Variants in DIAPH3 observed in about 807,000 individuals in gnomAD.
The protein encoded by DIAPH3 is diaphanous related formin 3, also known as protein diaphanous homolog 3.
Under a neutral mutation model 144.3 loss-of-function variants are expected in DIAPH3, and 117 were observed. The observed-to-expected ratio is 0.81, with a 90% confidence interval of 0.70 to 0.95. DIAPH3 has a LOEUF of 0.95. Among genes scored for constraint, DIAPH3 ranks in the 40% least tolerant of loss-of-function variants. The pLI is 0.00. For missense variants in DIAPH3, 1,421 were observed against 1,412.7 expected (o/e 1.01, Z -0.09); for synonymous variants, 519 against 488.9 (o/e 1.06, Z -0.81).
chr13:59,798,458 A>G (rs1046522727), intron 25 of DIAPH3, among the ~76,000 whole-genome samples: 4 of 152,218 alleles, frequency 2.6e-5, no homozygotes, highest in African/African-American at 9.6e-5. Flanking sequence ...TGGTTAGTCC[A>G]TATATAAATG....
chr13:60,147,269 G>C (rs1025970253), intron 1 of DIAPH3: 1 of 152,136 alleles, frequency 6.6e-6, no homozygotes, highest in Non-Finnish European at 1.5e-5. Flanking sequence ...AAGGTCATTT[G>C]GAAAATATAG....
intron 27 of DIAPH3, among the ~76,000 whole-genome samples, chr13:59,759,479 G>A (rs2139178050): frequency 6.6e-6 from 1 of 152,266 alleles, no homozygotes; most frequent in South Asian, 2.1e-4. Context: ...TAGAGTTACT[G>A]ACTTGTATTA....
At chr13:60,039,324 G>A (rs1388497460) in intron 5 of DIAPH3, among the ~76,000 whole-genome samples, 1 of 147,556 alleles carries the variant, frequency 6.8e-6, no homozygotes, top group Non-Finnish European at 1.5e-5. Flanking sequence ...TTTTTTTTGA[G>A]ATAGAGTCTC....
At chr13:59,826,386 AACAG>A (rs2041423546) in intron 24 of DIAPH3, among the ~76,000 whole-genome samples, 1 of 147,360 alleles carries the variant, frequency 6.8e-6, no homozygotes. Context: ...ATACACCAAT[AACAG>A]ACAAACAGAG....
At chr13:60,021,425 G>A (rs1302630297) in intron 5 of DIAPH3, among the ~76,000 whole-genome samples, 1 of 152,164 alleles carries the variant, frequency 6.6e-6, no homozygotes, top group Non-Finnish European at 1.5e-5. Context: ...AGGAGTTTGA[G>A]ATCAGCCTGG....
intron 27 of DIAPH3, among the ~76,000 whole-genome samples, chr13:59,739,858 T>G (rs184167800): frequency 9.9e-5 from 15 of 152,134 alleles, no homozygotes; most frequent in Non-Finnish European, 1.2e-4. Flanking sequence ...TTCAAATATA[T>G]TCAGAAAAAA....
At chr13:60,066,616 G>A (rs530936779) in intron 4 of DIAPH3, among the ~76,000 whole-genome samples, 4 of 152,130 alleles carry the variant, frequency 2.6e-5, no homozygotes, top group Non-Finnish European at 5.9e-5. Flanking sequence ...GAGATATACT[G>A]TAGTTATAAA....
intron 1 of DIAPH3, among the ~76,000 whole-genome samples, chr13:60,147,012 C>T (rs1951558532): frequency 6.6e-6 from 1 of 152,176 alleles, no homozygotes; most frequent in Non-Finnish European, 1.5e-5. Flanking sequence ...TATAAAACTG[C>T]ATCATCTTTG....
chr13:59,968,702 T>G (rs1222448817), intron 17 of DIAPH3, among the ~76,000 whole-genome samples: 2 of 152,224 alleles, frequency 1.3e-5, no homozygotes, highest in African/African-American at 4.8e-5. Context: ...GTTTCTAATT[T>G]ACATTAATAA....
At chr13:60,085,863 A>G (rs906465256) in intron 4 of DIAPH3, among the ~76,000 whole-genome samples, 1 of 152,138 alleles carries the variant, frequency 6.6e-6, no homozygotes, top group South Asian at 2.1e-4. Flanking sequence ...ACAAAAATCT[A>G]AAAAGTAAGT....
At chr13:59,770,132 AATCAAAT>A (rs2038049052) in intron 27 of DIAPH3, among the ~76,000 whole-genome samples, 1 of 152,100 alleles carries the variant, frequency 6.6e-6, no homozygotes, top group South Asian at 2.1e-4. Flanking sequence ...TAGACCAAAC[AATCAAAT>A]ATCTCCTTTT....
chr13:59,810,381 C>A (rs2040412029), intron 25 of DIAPH3, among the ~76,000 whole-genome samples: 1 of 151,604 alleles, frequency 6.6e-6, no homozygotes, highest in Admixed American at 6.6e-5. Flanking sequence ...CAATGTTTAT[C>A]CTCCATCACT....
chr13:59,824,390 T>G (rs989413806), intron 24 of DIAPH3, among the ~76,000 whole-genome samples: 1 of 152,188 alleles, frequency 6.6e-6, no homozygotes, highest in African/African-American at 2.4e-5. Context: ...ACTAATAATC[T>G]ACAGAGACCG....
intron 20 of DIAPH3, among the ~76,000 whole-genome samples, chr13:59,881,655 T>G (rs1290092106): frequency 6.6e-6 from 1 of 152,068 alleles, no homozygotes. Flanking sequence ...TAGATTTGTA[T>G]GAATAATGAG....
At chr13:60,122,476 T>C (rs2058871795) in intron 2 of DIAPH3, among the ~76,000 whole-genome samples, 1 of 152,214 alleles carries the variant, frequency 6.6e-6, no homozygotes, top group Admixed American at 6.5e-5. Context: ...TGTTATTTTA[T>C]TCACTAAACC....
At chr13:59,755,396 T>G (rs755028381) in intron 27 of DIAPH3, among the ~76,000 whole-genome samples, 1 of 152,082 alleles carries the variant, frequency 6.6e-6, no homozygotes. Context: ...AGATGATACT[T>G]AGTTGGGCAG....
chr13:60,010,063 A>G (rs1213372247), intron 8 of DIAPH3, among the ~76,000 whole-genome samples: 1 of 152,118 alleles, frequency 6.6e-6, no homozygotes, highest in Non-Finnish European at 1.5e-5. Flanking sequence ...AGGACTTTGT[A>G]CCCTCAACCA....
At chr13:59,845,929 G>A (rs1395705620) in intron 22 of DIAPH3, among the ~76,000 whole-genome samples, 1 of 152,116 alleles carries the variant, frequency 6.6e-6, no homozygotes, top group African/African-American at 2.4e-5. Flanking sequence ...GTTTGCTGAA[G>A]GAATGGGTTT....
chr13:60,150,315 G>A (rs1370421867), intron 1 of DIAPH3, among the ~76,000 whole-genome samples: 1 of 152,022 alleles, frequency 6.6e-6, no homozygotes, highest in African/African-American at 2.4e-5. Flanking sequence ...ATGAGCCACC[G>A]CGCCTGGCCG....
Sources: gnomAD v4.1 joint callset for allele counts (sites outside exome capture counted in the v4.1 genomes callset) on GRCh38, gnomAD v4.1.1 for gene constraint, MANE v1.5 for transcripts, NCBI Gene and HGNC (gene_info 2026-07-23, HGNC 2026-07-21) for gene names.